The following UGGT2 variants were observed in gnomAD, a reference collection of about 807,000 sequenced individuals.
UGGT2 encodes the protein UDP-glucose:glycoprotein glucosyltransferase 2.
In UGGT2, 180 loss-of-function variants were observed where a neutral mutation model predicts 192.1. The observed-to-expected ratio is 0.94, with a 90% confidence interval of 0.83 to 1.06. The LOEUF is 1.06. UGGT2 is among the 50% of genes least tolerant of loss of function. The pLI is 0.00. For synonymous variants in UGGT2, 580 were observed against 591.0 expected, an observed-to-expected ratio of 0.98 and a Z score of 0.27; for missense variants, 1,849 against 1,795.7, an observed-to-expected ratio of 1.03 and a Z score of -0.54.
At chr13:96,045,186 C>T (rs775245840) in intron 1 of UGGT2, among the ~76,000 whole-genome samples, 1 of 151,958 alleles carries the variant, frequency 6.6e-6, no homozygotes, top group Non-Finnish European at 1.5e-5. Context: ...TTAATATAGG[C>T]AAGTCAATAA....
chr13:96,021,255 C>T (rs2052506908), intron 4 of UGGT2, among the ~76,000 whole-genome samples: 1 of 152,164 alleles, frequency 6.6e-6, no homozygotes, highest in African/African-American at 2.4e-5. Context: ...CAAGGACTCA[C>T]AGGGCCCATG....
intron 17 of UGGT2, among the ~76,000 whole-genome samples, chr13:95,936,249 T>C (rs1387237345): frequency 1.3e-5 from 2 of 152,240 alleles, no homozygotes. Flanking sequence ...TATTTTGAAA[T>C]TCCTTAAGTG....
At chr13:96,046,005 C>G (rs530777985) in intron 1 of UGGT2, among the ~76,000 whole-genome samples, 3 of 152,034 alleles carry the variant, frequency 2.0e-5, no homozygotes, top group Non-Finnish European at 2.9e-5. Context: ...CATATGGAAC[C>G]AAAAAAGAGC....
chr13:95,949,527 T>C, intron 12 of UGGT2, 73 bp from the exon 13 acceptor site: 1 of 1,304,868 alleles, frequency 7.7e-7, no homozygotes, highest in Non-Finnish European at 1.0e-6. Context: ...ATTTTTACTA[T>C]ATCGTGATAA....
Position 96,053,258 on chromosome 13 carries a change from G to T in UGGT2, c.55C>A (p.Leu19Met). 1 of 1,567,070 alleles carries T rather than the reference G, an allele frequency of 6.4e-7. No individual in the cohort carries two copies. The highest frequency in any genetic ancestry group is 8.6e-7 in the Non-Finnish European group (1 of 1,164,446). The change falls in exon 1 of 39, where the codon CTG becomes ATG. Residue 19 changes from leucine to methionine, a missense_variant. Coordinates refer to ENST00000376747, the MANE Select transcript of UGGT2 (RefSeq NM_020121.4). ...VVRLLLGSTA[L>M]WLSQLGSGTV... ...CCGGAGCCGAGCTGCGAAAGCCACA[G>T]CGCTGTGGAGCCTAGTAGCAGCCGC...
At chr13:95,891,491 T>TA (rs1385330791) in intron 24 of UGGT2, among the ~76,000 whole-genome samples, 1 of 152,164 alleles carries the variant, frequency 6.6e-6, no homozygotes, top group African/African-American at 2.4e-5. Flanking sequence ...TATCCGTTTT[T>TA]ATCTTTCACC....
intron 17 of UGGT2, among the ~76,000 whole-genome samples, chr13:95,928,732 C>T (rs962249907): frequency 9.9e-5 from 15 of 152,038 alleles, no homozygotes; most frequent in African/African-American, 3.4e-4. Context: ...GGCAGAGGGG[C>T]TCCTCACATC....
chr13:95,804,741 A>G (rs1366649905), intron 38 of UGGT2, among the ~76,000 whole-genome samples: 1 of 152,188 alleles, frequency 6.6e-6, no homozygotes, highest in Non-Finnish European at 1.5e-5. Context: ...ATATCTACAC[A>G]CAAAAGAATA....
intron 17 of UGGT2, among the ~76,000 whole-genome samples, chr13:95,930,017 A>C (rs1043473834): frequency 6.6e-6 from 1 of 152,134 alleles, no homozygotes; most frequent in Admixed American, 6.5e-5. Context: ...TTTGATTTGC[A>C]CTTCTCTAAG....
chr13:95,868,893 T>C (rs951282459), intron 29 of UGGT2, among the ~76,000 whole-genome samples: 2 of 152,020 alleles, frequency 1.3e-5, no homozygotes, highest in African/African-American at 4.8e-5. Flanking sequence ...GTTTTTTTTT[T>C]ATTTATTATA....
At chr13:95,939,059 C>G (rs2140522388) in intron 16 of UGGT2, among the ~76,000 whole-genome samples, 1 of 152,242 alleles carries the variant, frequency 6.6e-6, no homozygotes, top group East Asian at 1.9e-4. Context: ...GACATGAGTG[C>G]ATTAAATGTT....
At chr13:95,839,825 A>T (rs1347954296) in intron 36 of UGGT2, among the ~76,000 whole-genome samples, 1 of 152,090 alleles carries the variant, frequency 6.6e-6, no homozygotes, top group Non-Finnish European at 1.5e-5. Context: ...TATTGTAGCT[A>T]TCATAGCGAG....
chr13:95,812,337 T>C (rs1385567284), intron 38 of UGGT2, among the ~76,000 whole-genome samples: 1 of 152,212 alleles, frequency 6.6e-6, no homozygotes, highest in Non-Finnish European at 1.5e-5. Context: ...AACACCCTTG[T>C]ATAAATTGGC....
chr13:96,053,336 C>G lies in UGGT2; in HGVS notation c.-24G>C, dbSNP rs771020188. On this transcript the variant is annotated 5_prime_UTR_variant, in exon 1 of 39. Coordinates refer to ENST00000376747, the MANE Select transcript of UGGT2 (RefSeq NM_020121.4). ...ATGGCACGGAGAGAAAAGCGCGAGT[C>G]CCTCGGACCCGGTACCCACAGTCTG... 60 of 1,576,060 alleles carry G rather than the reference C, an allele frequency of 3.8e-5. No individual in the cohort carries two copies. The highest frequency in any genetic ancestry group is 4.7e-5 in the Non-Finnish European group (55 of 1,170,910).
At chr13:96,050,403 T>A (rs1458005871) in intron 1 of UGGT2, among the ~76,000 whole-genome samples, 1 of 152,158 alleles carries the variant, frequency 6.6e-6, no homozygotes, top group Non-Finnish European at 1.5e-5. Context: ...GCAATACCAT[T>A]CAGGACATAG....
At position 95,902,956 on chromosome 13, in the gene UGGT2, T is replaced by C. The variant is rs761792835; in HGVS notation, c.2400A>G (p.Thr800=). 1 of 1,613,606 alleles carries C rather than the reference T, an allele frequency of 6.2e-7. No individual in the cohort carries two copies. The highest frequency in any genetic ancestry group is 8.5e-7 in the Non-Finnish European group (1 of 1,179,716). ...AGCTTCTCAAAAACATGTTCTTCTG[T>C]GTAAGAAAAGCTGCCAAAATTCCTC... ...ISRGILAAFL[T]QKNMFLRSFL... The change falls in exon 21 of 39, where the codon ACA becomes ACG. Residue 800 remains threonine, a synonymous_variant. Transcript: ENST00000376747.
chr13:96,046,802 C>T (rs921047510), intron 1 of UGGT2, among the ~76,000 whole-genome samples: 4 of 152,196 alleles, frequency 2.6e-5, no homozygotes, highest in Non-Finnish European at 5.9e-5. Flanking sequence ...TCTTAGCAAA[C>T]GGCACACCAG....
chr13:95,919,959 A>T (rs2048795996), intron 20 of UGGT2, among the ~76,000 whole-genome samples: 1 of 152,222 alleles, frequency 6.6e-6, no homozygotes. Flanking sequence ...AAAATATACA[A>T]GGCTACAGTA....
Position 95,827,698 on chromosome 13 carries a change from G to A in UGGT2, c.4528+5229C>T, listed in dbSNP as rs923421008. On this transcript the variant is annotated intron_variant, in intron 38 of 38. Transcript: ENST00000376747. Reference sequence around the variant, plus strand: ...AAGCCATCCTTATAGAGTTAAACAAGAATTCTGGACAGAAGTATGGTTAAC... The same window carrying A: ...AAGCCATCCTTATAGAGTTAAACAAAAATTCTGGACAGAAGTATGGTTAAC... Among the ~76,000 whole-genome samples, 55 of 152,074 alleles carry A rather than the reference G, an allele frequency of 3.6e-4. 2 individuals carry two copies. Among genetic ancestry groups the A allele is most frequent in the Non-Finnish European group, 7.5e-4 (51 of 68,000 alleles).
Sources: gnomAD v4.1 joint callset for allele counts (sites outside exome capture counted in the v4.1 genomes callset) on GRCh38, gnomAD v4.1.1 for gene constraint, MANE v1.5 for transcripts, NCBI Gene and HGNC (gene_info 2026-07-23, HGNC 2026-07-21) for gene names.